The following SLC25A21 variants were observed in gnomAD, a reference collection of about 807,000 sequenced individuals.
SLC25A21 encodes mitochondrial 2-oxodicarboxylate carrier.
Under a neutral mutation model 43.8 loss-of-function variants are expected in SLC25A21, and 47 were observed. That is an observed-to-expected ratio of 1.07 (90% confidence interval 0.85 to 1.37). The LOEUF (loss-of-function observed/expected upper bound fraction) is 1.37. Ranked by LOEUF, SLC25A21 falls within the 40% of genes most tolerant of loss-of-function variation. The probability of loss-of-function intolerance (pLI) is 0.00; values close to 1 mark genes in which losing one functional copy is unlikely to be tolerated. For missense variants in SLC25A21, 352 were observed against 350.2 expected, an observed-to-expected ratio of 1.00 and a Z score of -0.04; for synonymous variants, 131 against 121.3, an observed-to-expected ratio of 1.08 and a Z score of -0.52.
intron 3 of SLC25A21, among the ~76,000 whole-genome samples, chr14:36,811,411 G>C (rs955273615): frequency 8.5e-5 from 13 of 152,148 alleles, no homozygotes; most frequent in African/African-American, 3.1e-4. Context: ...AGCACTTTGG[G>C]AGGCCGAGGA....
intron 1 of SLC25A21, among the ~76,000 whole-genome samples, chr14:37,007,809 C>T (rs867540975): frequency 2.8e-4 from 43 of 152,130 alleles, no homozygotes; most frequent in Middle Eastern, 6.8e-3. Flanking sequence ...GACTAAATTC[C>T]ATTTTAAAAA....
At chr14:36,800,126 T>C (rs529184658) in intron 3 of SLC25A21, among the ~76,000 whole-genome samples, 32 of 152,350 alleles carry the variant, frequency 2.1e-4, no homozygotes, top group Admixed American at 1.3e-4. Context: ...TTCCATCTTC[T>C]AGTTTTTTGA....
chr14:37,172,192 C>A lies in SLC25A21; in HGVS notation c.70+89G>T, dbSNP rs889010722. 6 of 1,334,346 alleles carry A rather than the reference C, an allele frequency of 4.5e-6. No homozygotes were observed. The South Asian group carries it at 7.1e-5, about 16-fold the overall frequency. The allele number at this position is 1,334,346 out of a possible 1,614,324, so 82.7% of individuals were successfully genotyped here. ...AATTTTGAGGAAGAGGGCAGAACTT[C>A]AGTAAGGAGACCTGTCTGGGCAACG... On this transcript the variant is annotated intron_variant, in intron 1 of 9. Transcript: ENST00000331299.
intron 1 of SLC25A21, among the ~76,000 whole-genome samples, chr14:37,147,640 T>G (rs1963688960): frequency 7.6e-6 from 1 of 130,904 alleles, no homozygotes; most frequent in East Asian, 2.0e-4. Flanking sequence ...TCAGGTTTTT[T>G]TTTTTTTTTA....
At chr14:36,826,837 C>T (rs1888851203) in intron 2 of SLC25A21, among the ~76,000 whole-genome samples, 1 of 152,182 alleles carries the variant, frequency 6.6e-6, no homozygotes, top group Non-Finnish European at 1.5e-5. Context: ...CTCCCATAGG[C>T]CCAGGTGGTC....
chr14:37,011,613 C>T (rs966873028), intron 1 of SLC25A21, among the ~76,000 whole-genome samples: 4 of 152,118 alleles, frequency 2.6e-5, no homozygotes, highest in Non-Finnish European at 5.9e-5. Flanking sequence ...AAAATTCCAT[C>T]CAGAATCACA....
At chr14:37,094,414 G>T (rs566906436) in intron 1 of SLC25A21, among the ~76,000 whole-genome samples, 1 of 152,246 alleles carries the variant, frequency 6.6e-6, no homozygotes, top group African/African-American at 2.4e-5. Context: ...TAAAATATTT[G>T]ATAATGCCCA....
intron 1 of SLC25A21, among the ~76,000 whole-genome samples, chr14:36,998,260 C>A (rs1048455055): frequency 6.6e-6 from 1 of 152,290 alleles, no homozygotes; most frequent in East Asian, 1.9e-4. Context: ...GTTTCTTACA[C>A]TTATTTGATC....
chr14:37,068,972 A>G (rs1479513298), intron 1 of SLC25A21, among the ~76,000 whole-genome samples: 1 of 152,112 alleles, frequency 6.6e-6, no homozygotes, highest in East Asian at 1.9e-4. Context: ...CAGGAGATCG[A>G]GACCATCCTG....
chr14:36,984,337 G>A (rs1023788358), intron 1 of SLC25A21, among the ~76,000 whole-genome samples: 1 of 152,090 alleles, frequency 6.6e-6, no homozygotes, highest in Non-Finnish European at 1.5e-5. Flanking sequence ...CAAAGACTAA[G>A]GGGAAGTATG....
intron 1 of SLC25A21, among the ~76,000 whole-genome samples, chr14:36,970,422 A>G (rs932823593): frequency 6.6e-6 from 1 of 152,182 alleles, no homozygotes; most frequent in Non-Finnish European, 1.5e-5. Flanking sequence ...GCATGTATAC[A>G]CCTTTAGGCC....
intron 1 of SLC25A21, among the ~76,000 whole-genome samples, chr14:37,136,614 C>A (rs1277114940): frequency 2.0e-5 from 3 of 152,080 alleles, no homozygotes; most frequent in African/African-American, 7.2e-5. Context: ...AGCTTTATAG[C>A]AGCATTATTC....
chr14:36,878,930 C>T (rs1890627509), intron 1 of SLC25A21, among the ~76,000 whole-genome samples: 1 of 152,098 alleles, frequency 6.6e-6, no homozygotes, highest in Admixed American at 6.5e-5. Context: ...CAACCACCAA[C>T]CATAGTAACA....
chr14:36,878,368 T>C (rs1890608461), intron 1 of SLC25A21, among the ~76,000 whole-genome samples: 1 of 152,172 alleles, frequency 6.6e-6, no homozygotes, highest in South Asian at 2.1e-4. Flanking sequence ...AAGTTAGTGA[T>C]AAAATGCATT....
At chr14:36,784,395 A>G (rs1412364399) in intron 3 of SLC25A21, among the ~76,000 whole-genome samples, 5 of 152,010 alleles carry the variant, frequency 3.3e-5, no homozygotes, top group African/African-American at 1.2e-4. Flanking sequence ...AGCTGGAGAT[A>G]TTTGAGAGTT....
chr14:36,770,475 T>C lies in SLC25A21; in HGVS notation c.204-35902A>G, dbSNP rs182207659. ...TACTACAAACCTCAGTATCACGCAA[T>C]ACATGTACAGTAACAAGCCTGTACA... is the stretch of plus-strand genomic sequence containing the variant. On this transcript the variant is annotated intron_variant, in intron 3 of 9. Transcript: ENST00000331299. Among the ~76,000 whole-genome samples, 234 of 152,236 alleles carry C rather than the reference T, an allele frequency of 1.5e-3. 1 individual carries two copies. Among genetic ancestry groups the C allele is most frequent in the African/African-American group, 5.3e-3 (220 of 41,532 alleles).
intron 1 of SLC25A21, among the ~76,000 whole-genome samples, chr14:37,144,924 G>GTT (rs1555349804): frequency 0.31 from 46,548 of 150,272 alleles, 7,579 homozygotes; most frequent in South Asian, 0.49. Context: ...CAGCCTGGGT[G>GTT]GTTGTTGTTG....
intron 6 of SLC25A21, among the ~76,000 whole-genome samples, chr14:36,718,320 C>T (rs1472359135): frequency 6.6e-6 from 1 of 152,138 alleles, no homozygotes; most frequent in African/African-American, 2.4e-5. Context: ...CTTTTCTGCC[C>T]ACAGGAATCA....
intron 2 of SLC25A21, among the ~76,000 whole-genome samples, chr14:36,851,019 G>A (rs542654972): frequency 7.2e-5 from 11 of 152,284 alleles, no homozygotes; most frequent in South Asian, 2.1e-4. Flanking sequence ...CTGTTTAAGC[G>A]ATACAATTCA....
Sources: allele counts gnomAD v4.1 joint callset (sites outside exome capture counted in the v4.1 genomes callset), GRCh38; gene constraint gnomAD v4.1.1; transcripts MANE v1.5; gene names NCBI Gene and HGNC (gene_info 2026-07-23, HGNC 2026-07-21).